Variants in IMMP2L observed in about 807,000 individuals in gnomAD.
IMMP2L encodes mitochondrial inner membrane protease subunit 2.
IMMP2L carries 18 observed loss-of-function variants against 19.3 expected under a neutral mutation model. The observed-to-expected ratio is 0.93, with a 90% CI of 0.64 to 1.38. IMMP2L has a LOEUF of 1.38. Among genes scored for constraint, IMMP2L ranks in the 40% most tolerant of loss-of-function variants. IMMP2L has a pLI of 0.00. For missense variants in IMMP2L, 233 were observed against 218.2 expected (o/e 1.07, Z -0.43); for synonymous variants, 76 against 73.0 (o/e 1.04, Z -0.21).
intron 3 of IMMP2L, among the ~76,000 whole-genome samples, chr7:111,253,630 T>G (rs1816384748): frequency 6.6e-6 from 1 of 152,142 alleles, no homozygotes; most frequent in African/African-American, 2.4e-5. Context: ...AGTGTTTTAA[T>G]CAGGAGAGTA....
intron 3 of IMMP2L, among the ~76,000 whole-genome samples, chr7:111,302,895 T>A (rs1584524786): frequency 6.6e-6 from 1 of 152,120 alleles, no homozygotes; most frequent in East Asian, 1.9e-4. Flanking sequence ...GGCTACCACA[T>A]CCCTGGTTTT....
intron 5 of IMMP2L, among the ~76,000 whole-genome samples, chr7:110,750,769 C>T (rs949339796): frequency 6.6e-6 from 1 of 151,986 alleles, no homozygotes; most frequent in South Asian, 2.1e-4. Flanking sequence ...TGATAGGGAA[C>T]AAGGCCGGAC....
chr7:110,742,360 T>C (rs1292787384), intron 5 of IMMP2L, among the ~76,000 whole-genome samples: 1 of 152,152 alleles, frequency 6.6e-6, no homozygotes, highest in Non-Finnish European at 1.5e-5. Context: ...TATGATATCA[T>C]GAAAATTTTA....
intron 2 of IMMP2L, among the ~76,000 whole-genome samples, chr7:111,506,829 G>A (rs548905312): frequency 6.6e-6 from 1 of 151,902 alleles, no homozygotes; most frequent in South Asian, 2.1e-4. Flanking sequence ...TCTTTCTGAG[G>A]TTTTTTTTGT....
intron 3 of IMMP2L, among the ~76,000 whole-genome samples, chr7:111,352,367 CT>C (rs748454509): frequency 0.12 from 15,697 of 130,804 alleles, 1,232 homozygotes; most frequent in African/African-American, 0.27. Flanking sequence ...GCACAACTAA[CT>C]TTTTTTTTTT....
At chr7:110,781,583 A>C (rs1170528726) in intron 5 of IMMP2L, among the ~76,000 whole-genome samples, 1 of 151,814 alleles carries the variant, frequency 6.6e-6, no homozygotes, top group African/African-American at 2.4e-5. Flanking sequence ...TTCCAAGAAA[A>C]CCATGCATAG....
chr7:110,939,365 A>C (rs1816468169), intron 4 of IMMP2L, among the ~76,000 whole-genome samples: 1 of 147,816 alleles, frequency 6.8e-6, no homozygotes, highest in Non-Finnish European at 1.5e-5. Context: ...GATTTTTAAA[A>C]CCATTGATCT....
chr7:111,560,690 C>G (rs559593040), intron 1 of IMMP2L, among the ~76,000 whole-genome samples: 12 of 152,266 alleles, frequency 7.9e-5, no homozygotes, highest in African/African-American at 2.9e-4. Context: ...AAAGGCCTAC[C>G]CCAAAACAGC....
chr7:111,264,621 A>C (rs895388196), intron 3 of IMMP2L, among the ~76,000 whole-genome samples: 1 of 151,908 alleles, frequency 6.6e-6, no homozygotes, highest in Admixed American at 6.6e-5. Context: ...AGAGAAGACC[A>C]GGCACTGACT....
At chr7:110,903,576 G>T (rs1165527892) in intron 4 of IMMP2L, among the ~76,000 whole-genome samples, 2 of 152,096 alleles carry the variant, frequency 1.3e-5, no homozygotes, top group Admixed American at 6.6e-5. Flanking sequence ...CCACGTTGTT[G>T]CATATTGCAG....
At chr7:111,028,852 GA>G (rs1299669559) in intron 3 of IMMP2L, among the ~76,000 whole-genome samples, 5 of 152,120 alleles carry the variant, frequency 3.3e-5, no homozygotes, top group African/African-American at 1.2e-4. Context: ...ACATAAGGAA[GA>G]AATCTTATGA....
intron 2 of IMMP2L, among the ~76,000 whole-genome samples, chr7:111,500,898 C>T (rs1174469544): frequency 2.0e-5 from 3 of 152,074 alleles, no homozygotes; most frequent in East Asian, 3.9e-4. Context: ...AAACTGGAAA[C>T]TCTAAAAAGC....
intron 3 of IMMP2L, among the ~76,000 whole-genome samples, chr7:111,293,550 C>A (rs762653335): frequency 4.0e-5 from 6 of 151,364 alleles, no homozygotes; most frequent in Admixed American, 4.0e-4. Context: ...AAAGCACTTA[C>A]GGATATGCTT....
chr7:111,089,361 C>G (rs1429881766), intron 3 of IMMP2L, among the ~76,000 whole-genome samples: 3 of 151,876 alleles, frequency 2.0e-5, no homozygotes, highest in African/African-American at 2.4e-5. Context: ...CAGTCAATAC[C>G]AATCAATGAA....
At chr7:110,733,043 C>A (rs4730454) in intron 5 of IMMP2L, among the ~76,000 whole-genome samples, 116,656 of 152,108 alleles carry the variant, frequency 0.77, 44,860 homozygotes, top group East Asian at 0.87. Flanking sequence ...AGCCTTTGAA[C>A]GTGCTAAGAT....
chr7:110,967,911 T>C (rs1258310956), intron 3 of IMMP2L, among the ~76,000 whole-genome samples: 3 of 152,036 alleles, frequency 2.0e-5, no homozygotes, highest in Admixed American at 2.0e-4. Context: ...TTTGAAAAAA[T>C]GTTGCCAGAG....
chr7:111,124,120 C>A, intron 3 of IMMP2L: 1 of 1,614,016 alleles, frequency 6.2e-7, no homozygotes, highest in East Asian at 2.2e-5. Context: ...TACTGCAGAA[C>A]CACAGCCTGA....
At chr7:111,556,375 C>G (rs377059837) in intron 1 of IMMP2L, among the ~76,000 whole-genome samples, 69 of 152,004 alleles carry the variant, frequency 4.5e-4, no homozygotes, top group African/African-American at 1.6e-3. Context: ...CTACAGTAAC[C>G]ATTTTACTAT....
At chr7:110,943,110 TAC>T (rs1413245872) in intron 4 of IMMP2L, among the ~76,000 whole-genome samples, 1 of 152,034 alleles carries the variant, frequency 6.6e-6, no homozygotes, top group Non-Finnish European at 1.5e-5. Flanking sequence ...AGCTAAGGCA[TAC>T]AGTTTCACGC....
Sources: gnomAD v4.1 joint callset for allele counts (sites outside exome capture counted in the v4.1 genomes callset) on GRCh38, gnomAD v4.1.1 for gene constraint, MANE v1.5 for transcripts, NCBI Gene and HGNC (gene_info 2026-07-23, HGNC 2026-07-21) for gene names.